SYT1: variants seen among roughly 807,000 people sequenced by gnomAD.
SYT1 encodes synaptotagmin 1, also known as synaptotagmin-1.
Under a neutral mutation model 44.8 loss-of-function variants are expected in SYT1, and 8 were observed. The ratio of observed to expected loss-of-function variants is 0.18; its 90% CI spans 0.10 to 0.32. SYT1 has a LOEUF of 0.32. Among genes scored for constraint, SYT1 ranks in the 10% least tolerant of loss-of-function variants. The pLI is 1.00. For missense variants in SYT1, 286 were observed against 509.3 expected (o/e 0.56, Z 4.22); for synonymous variants, 154 against 188.8 (o/e 0.82, Z 1.51).
chr12:79,225,467 T>G (rs1875462930), intron 4 of SYT1, among the ~76,000 whole-genome samples: 1 of 152,222 alleles, frequency 6.6e-6, no homozygotes, highest in Non-Finnish European at 1.5e-5. Flanking sequence ...TTCTTGTCCT[T>G]GCTCTGCTGC....
chr12:79,024,365 G>T (rs1221750251), intron 2 of SYT1, among the ~76,000 whole-genome samples: 2 of 151,766 alleles, frequency 1.3e-5, no homozygotes, highest in Non-Finnish European at 2.9e-5. Context: ...ACCCAGGGTT[G>T]TGCTGCTTCA....
chr12:78,935,224 T>G (rs751259600), intron 1 of SYT1, among the ~76,000 whole-genome samples: 7 of 152,174 alleles, frequency 4.6e-5, no homozygotes, highest in Non-Finnish European at 1.0e-4. Context: ...TAGCACTGAT[T>G]GCATTTTCCA....
At chr12:79,291,021 A>C (rs1291142234) in intron 5 of SYT1, among the ~76,000 whole-genome samples, 1 of 152,216 alleles carries the variant, frequency 6.6e-6, no homozygotes, top group Non-Finnish European at 1.5e-5. Context: ...CATCCCTAGA[A>C]ACAAAACTTC....
intron 2 of SYT1, among the ~76,000 whole-genome samples, chr12:78,998,287 G>A (rs1870508810): frequency 6.6e-6 from 1 of 152,152 alleles, no homozygotes; most frequent in Non-Finnish European, 1.5e-5. Flanking sequence ...AACAGTTAGG[G>A]CAAGAGCACA....
intron 4 of SYT1, among the ~76,000 whole-genome samples, chr12:79,266,830 C>T (rs1878154813): frequency 6.6e-6 from 1 of 152,176 alleles, no homozygotes; most frequent in African/African-American, 2.4e-5. Flanking sequence ...AGCACAAATC[C>T]ATTGGATAAT....
intron 2 of SYT1, among the ~76,000 whole-genome samples, chr12:79,014,348 G>A (rs892569462): frequency 2.0e-5 from 3 of 152,010 alleles, no homozygotes; most frequent in African/African-American, 7.2e-5. Flanking sequence ...ATAATGTTTA[G>A]AATTCTTCCC....
intron 2 of SYT1, among the ~76,000 whole-genome samples, chr12:78,988,195 CA>C: frequency 6.6e-6 from 1 of 151,296 alleles, no homozygotes; most frequent in Admixed American, 6.6e-5. Flanking sequence ...CAATAGTGAG[CA>C]AAATAGGCCA....
intron 3 of SYT1, among the ~76,000 whole-genome samples, chr12:79,067,120 C>T (rs1202330178): frequency 6.6e-6 from 1 of 152,114 alleles, no homozygotes; most frequent in Non-Finnish European, 1.5e-5. Flanking sequence ...GTGAGATTCT[C>T]CCCCAGCTTA....
At chr12:78,920,419 A>G (rs1876915145) in intron 1 of SYT1, among the ~76,000 whole-genome samples, 1 of 152,036 alleles carries the variant, frequency 6.6e-6, no homozygotes, top group Admixed American at 6.6e-5. Flanking sequence ...TGATGCCATC[A>G]TCTATGAATG....
chr12:79,168,607 AAAT>A (rs1277527972), intron 3 of SYT1, among the ~76,000 whole-genome samples: 1 of 152,060 alleles, frequency 6.6e-6, no homozygotes, highest in Non-Finnish European at 1.5e-5. Context: ...TACAGTGAGA[AAAT>A]AACACAATTT....
chr12:79,445,473 T>G (rs1870656370), intron 10 of SYT1, among the ~76,000 whole-genome samples: 1 of 152,024 alleles, frequency 6.6e-6, no homozygotes, highest in African/African-American at 2.4e-5. Flanking sequence ...CTTCCCAGTC[T>G]TTAGTATCCT....
chr12:79,252,102 G>A (rs906749442), intron 4 of SYT1, among the ~76,000 whole-genome samples: 2 of 152,008 alleles, frequency 1.3e-5, no homozygotes, highest in East Asian at 3.9e-4. Context: ...TTAGTTACCA[G>A]CATAGATTTC....
intron 9 of SYT1, among the ~76,000 whole-genome samples, chr12:79,411,973 T>C (rs1327368750): frequency 6.6e-6 from 1 of 152,194 alleles, no homozygotes; most frequent in Non-Finnish European, 1.5e-5. Context: ...ATTGTTGGCA[T>C]GGCGAGTCTG....
chr12:79,246,438 A>G (rs932443661), intron 4 of SYT1, among the ~76,000 whole-genome samples: 2 of 151,988 alleles, frequency 1.3e-5, no homozygotes, highest in Admixed American at 6.6e-5. Flanking sequence ...TCCTGCCGCT[A>G]TAACAAAATA....
At chr12:78,897,162 A>G (rs1262853878) in intron 1 of SYT1, among the ~76,000 whole-genome samples, 1 of 151,946 alleles carries the variant, frequency 6.6e-6, no homozygotes, top group African/African-American at 2.4e-5. Flanking sequence ...CCTTCAAATT[A>G]ATTAAACTAA....
chr12:78,949,337 A>G (rs1335882696), intron 1 of SYT1, among the ~76,000 whole-genome samples: 1 of 151,914 alleles, frequency 6.6e-6, no homozygotes, highest in Admixed American at 6.6e-5. Context: ...GGTGTGAAAT[A>G]AAGTTTTATT....
intron 3 of SYT1, among the ~76,000 whole-genome samples, chr12:79,087,597 A>G (rs1031985994): frequency 2.6e-5 from 4 of 152,028 alleles, no homozygotes; most frequent in Non-Finnish European, 5.9e-5. Context: ...GCAGGCAAAG[A>G]ATGAGTAAGG....
chr12:79,412,261 T>G (rs897399742), intron 9 of SYT1, among the ~76,000 whole-genome samples: 5 of 152,132 alleles, frequency 3.3e-5, no homozygotes, highest in African/African-American at 1.2e-4. Context: ...GCCAGCCACA[T>G]GCAGAGTGTG....
intron 2 of SYT1, among the ~76,000 whole-genome samples, chr12:79,032,211 C>A: frequency 6.6e-6 from 1 of 151,084 alleles, no homozygotes; most frequent in South Asian, 2.1e-4. Context: ...TTATTTAGAA[C>A]CTTATATGTA....
Sources: allele counts gnomAD v4.1 joint callset (sites outside exome capture counted in the v4.1 genomes callset), GRCh38; gene constraint gnomAD v4.1.1; transcripts MANE v1.5; gene names NCBI Gene and HGNC (gene_info 2026-07-23, HGNC 2026-07-21).